The following GTPBP1 variants were observed in gnomAD, a reference collection of about 807,000 sequenced individuals.
The protein encoded by GTPBP1 is GTP-binding protein 1.
Under a neutral mutation model 62.0 loss-of-function variants are expected in GTPBP1, and 23 were observed. The observed-to-expected ratio is 0.37, with a 90% CI of 0.27 to 0.53. The LOEUF (loss-of-function observed/expected upper bound fraction) is 0.53. Ranked by LOEUF, GTPBP1 falls within the 20% of genes least tolerant of loss-of-function variation. The pLI is 0.89. For synonymous variants in GTPBP1, 344 were observed against 364.4 expected (o/e 0.94, Z 0.64); for missense variants, 640 against 917.3 (o/e 0.70, Z 3.90).
At position 38,721,725 on chromosome 22, in the gene GTPBP1, T is replaced by C; in HGVS notation, c.835-17T>C. Reference sequence around the variant, plus strand: ...CTTTCTCTCTCGTCCTGACACTTCCTTTCTGTGTTGGGGCAGGTGGGCAGC... The same window carrying C: ...CTTTCTCTCTCGTCCTGACACTTCCCTTCTGTGTTGGGGCAGGTGGGCAGC... On this transcript the variant is annotated splice_polypyrimidine_tract_variant and intron_variant, in intron 4 of 11. Transcript: ENST00000216044. 1 of 1,607,466 alleles carries C rather than the reference T, an allele frequency of 6.2e-7. No homozygotes were observed. The highest frequency in any genetic ancestry group is 2.2e-5 in the East Asian group (1 of 44,764).
At position 38,705,993 on chromosome 22, in the gene GTPBP1, C is replaced by A. The variant is rs1254300373; in HGVS notation, c.38C>A (p.Pro13Gln). 4 of 1,454,832 alleles carry A rather than the reference C, an allele frequency of 2.7e-6. No homozygotes were observed. Among genetic ancestry groups the A allele is most frequent in the Admixed American group, 2.4e-5 (1 of 42,070 alleles). The allele number at this position is 1,454,832 out of a possible 1,614,324, so 90.1% of individuals were successfully genotyped here. A position where few individuals can be genotyped will look rare whatever the true frequency, so the allele number is the denominator to read the frequency against. Residue 13 changes from proline (P) to glutamine (Q), a missense_variant, in exon 1 of 12, where the codon CCG (proline) becomes CAG (glutamine). Around this residue, in one of 4 missense-constraint regions of GTPBP1, gnomAD observed 215 missense variants for 235.1 expected, o/e 0.91. Coordinates refer to ENST00000216044, the MANE Select transcript of GTPBP1 (RefSeq NM_004286.5). ...CGCAGTCGCTCCGCGATGGACTCGC[C>A]GGTCCCGGCCTCTATGTTCGCCCCC... ...TERSRSAMDS[P>Q]VPASMFAPEP...
intron 1 of GTPBP1, among the ~76,000 whole-genome samples, chr22:38,707,616 C>G (rs1283889491): frequency 1.3e-5 from 2 of 152,176 alleles, no homozygotes; most frequent in Admixed American, 6.5e-5. Context: ...CAAGAGCAAA[C>G]AAACTGGATG....
chr22:38,741,179 C>CA (rs1455928881), downstream of GTPBP1: 6 of 1,036,502 alleles, frequency 5.8e-6, no homozygotes, highest in Non-Finnish European at 5.8e-6. Context: ...ACCCCTGCAG[C>CA]AAAAATCAAA....
rs567576293 is a variant in GTPBP1 at position 38,727,777 on chromosome 22, C to A, written c.1538-206C>A. Among the ~76,000 whole-genome samples, 1 of 152,056 alleles carries A rather than the reference C, an allele frequency of 6.6e-6. No homozygotes were observed. The highest frequency in any genetic ancestry group is 1.5e-5 in the Non-Finnish European group (1 of 68,010). On this transcript the variant is annotated intron_variant, in intron 9 of 11. Transcript: ENST00000216044. This position sits in a 1 kb window ranked among gnomAD's most constrained non-coding sequence, Gnocchi z 6.5. ...CCCAGGGCCTGGGGGTGGGGGATGA[C>A]GGGTGGGCATTAGCTGGAGGAAAAG...
rs1478087372 is a variant in GTPBP1, at chr22:38,706,035, G to GGGCGGCCAGGGCCGC, written c.88_102dup (p.Arg30_Ala34dup). 2 of 1,385,274 alleles carry GGGCGGCCAGGGCCGC rather than the reference G, an allele frequency of 1.4e-6. No individual in the cohort carries two copies. The highest frequency in any genetic ancestry group is 3.3e-5 in the Admixed American group (1 of 29,912). The allele number at this position is 1,385,274 out of a possible 1,614,324, so 85.8% of individuals were successfully genotyped here. A position where few individuals can be genotyped will look rare whatever the true frequency, so the allele number is the denominator to read the frequency against. ...TTCGCCCCCGAGCCCAGCTCCCCGGGGGCGGCCAGGGCCGCGGCGGCCGCC... is the reference window on the plus strand; with the variant it reads ...TTCGCCCCCGAGCCCAGCTCCCCGGGGGCGGCCAGGGCCGCGGCGGCCAGGGCCGCGGCGGCCGCC... On this transcript the variant is annotated inframe_insertion, in exon 1 of 12. Transcript: ENST00000216044.
downstream of GTPBP1, chr22:38,742,497 G>A (rs1323189178): frequency 6.2e-7 from 1 of 1,613,550 alleles, no homozygotes; most frequent in East Asian, 2.2e-5. Context: ...AAATTCAGCA[G>A]CAAGAGCTTC....
chr22:38,715,546 C>T (rs147106986), intron 2 of GTPBP1, among the ~76,000 whole-genome samples: 1 of 152,308 alleles, frequency 6.6e-6, no homozygotes, highest in Non-Finnish European at 1.5e-5. Flanking sequence ...GAGTGCAGCA[C>T]TTGAGCTGTA....
rs532577651 is a variant in GTPBP1 at position 38,716,482 on chromosome 22, C to T, written c.486-170C>T. Among the ~76,000 whole-genome samples the T allele has an allele frequency of 1.6e-4, 25 of 152,270 alleles. No individual in the cohort carries two copies. The highest frequency in any genetic ancestry group is 5.8e-4 in the African/African-American group (24 of 41,560). On this transcript the variant is annotated intron_variant, in intron 3 of 11. Coordinates refer to ENST00000216044, the MANE Select transcript of GTPBP1 (RefSeq NM_004286.5). This position sits in a 1 kb window ranked among gnomAD's most constrained non-coding sequence, Gnocchi z 5.2. ...GGCCCTTCTGATGACTCTACAGCAG[C>T]AGCTCTAGGAACCTTCCCACTGTGC...
rs1168577113 is a variant in GTPBP1, at chr22:38,727,039, A to G, written c.1402-174A>G. Among the ~76,000 whole-genome samples, 1 of 151,982 alleles carries G rather than the reference A, an allele frequency of 6.6e-6. No homozygotes were observed. The highest frequency in any genetic ancestry group is 2.4e-5 in the African/African-American group (1 of 41,348). The stretch of plus-strand genomic sequence containing the variant: ...GTAGTAGTGTTGAGTCTTCCCATGG[A>G]GCACTGAGGGTGCTCGTGCTGTCCA... On this transcript the variant is annotated intron_variant, in intron 8 of 11. Coordinates refer to ENST00000216044, the MANE Select transcript of GTPBP1 (RefSeq NM_004286.5). This position sits in a 1 kb window ranked among gnomAD's most constrained non-coding sequence, Gnocchi z 6.5.
chr22:38,721,199 C>G (rs1056413991), intron 4 of GTPBP1, among the ~76,000 whole-genome samples: 5 of 152,244 alleles, frequency 3.3e-5, no homozygotes, highest in Admixed American at 6.5e-5. Flanking sequence ...CCTGCCTCAG[C>G]CTCCTGAGTA....
downstream of GTPBP1, chr22:38,741,160 G>C: frequency 8.0e-7 from 1 of 1,257,106 alleles, no homozygotes; most frequent in South Asian, 1.3e-5. Context: ...CCCTGCCCAA[G>C]GTCTCTTGAC....
intron 6 of GTPBP1, 27 bp from the exon 7 acceptor site, chr22:38,725,979 T>G (rs1372900807): frequency 6.2e-7 from 1 of 1,611,396 alleles, no homozygotes; most frequent in Non-Finnish European, 8.5e-7. Context: ...TCTCTCCTTT[T>G]TTCCTTCCTC....
In GTPBP1 at chr22:38,728,186, G is replaced by A. The variant is rs114506749; in HGVS notation, c.1716+25G>A. 1.8e-3 allele frequency: 2,922 copies of A among 1,581,176 alleles called. 32 individuals carry two copies. The African/African-American group carries it at 0.03, about 16-fold the overall frequency. On this transcript the variant is annotated intron_variant, in intron 10 of 11. Transcript: ENST00000216044. ...GGTATGGCCAGGACAGACCTTGCCT[G>A]CCTCCAGGAAGCACCAGGGGCCACT...
chr22:38,742,151 AAAAAAAAAAG>A, downstream of GTPBP1: 1 of 1,083,386 alleles, frequency 9.2e-7, no homozygotes, highest in East Asian at 2.7e-5. Context: ...TCAAAAAGAA[AAAAAAAAAAG>A]AAAAAAAGAG....
downstream of GTPBP1, chr22:38,739,217 G>T (rs35693071): frequency 5.3e-6 from 6 of 1,141,548 alleles, 1 homozygote; most frequent in Non-Finnish European, 7.8e-6. This position sits in a 1 kb window ranked among gnomAD's most constrained non-coding sequence, Gnocchi z 6.7. Context: ...ATGGGTACTA[G>T]GTTGGGTGAT....
intron 6 of GTPBP1, chr22:38,725,451 C>G (rs2092722080): frequency 6.5e-6 from 1 of 153,808 alleles, no homozygotes; most frequent in Non-Finnish European, 1.4e-5. Context: ...GTGAGAGGGC[C>G]TGGTAGTTGC....
downstream of GTPBP1, chr22:38,742,218 A>G (rs1402519711): frequency 6.7e-7 from 1 of 1,489,106 alleles, no homozygotes; most frequent in Non-Finnish European, 9.0e-7. Flanking sequence ...CCCAAATGAC[A>G]CTTGTTCTCT....
intron 4 of GTPBP1, among the ~76,000 whole-genome samples, chr22:38,717,985 A>T (rs1190834747): frequency 6.6e-6 from 1 of 152,258 alleles, no homozygotes; most frequent in Non-Finnish European, 1.5e-5. Context: ...GCATCTGTTC[A>T]TAGCAAACTT....
chr22:38,723,419 G>T, intron 5 of GTPBP1: 1 of 1,081,194 alleles, frequency 9.2e-7, no homozygotes, highest in Non-Finnish European at 1.4e-6. Flanking sequence ...AAGCTTGAGG[G>T]CTGCAGTGGC....
Sources: gnomAD v4.1 joint callset for allele counts (sites outside exome capture counted in the v4.1 genomes callset) on GRCh38, gnomAD v4.1.1 for gene constraint, gnomAD v4.1.1 regional missense constraint, Gnocchi (gnomAD v3.1) non-coding constraint, MANE v1.5 for transcripts, NCBI Gene and HGNC (gene_info 2026-07-23, HGNC 2026-07-21) for gene names.